Variants in IL34 observed in about 807,000 individuals in gnomAD.
The protein encoded by IL34 is interleukin-34.
IL34 carries 17 observed loss-of-function variants against 25.3 expected under a neutral mutation model. The observed-to-expected ratio is 0.67, with a 90% CI of 0.46 to 1.01. IL34 has a LOEUF of 1.01. IL34 is among the 50% of genes least tolerant of loss of function. The pLI, the probability that IL34 is intolerant of heterozygous loss-of-function variation, is 0.00. For synonymous variants in IL34, 174 were observed against 140.9 expected (o/e 1.23, Z -1.66); for missense variants, 368 against 312.9 (o/e 1.18, Z -1.33).
intron 1 of IL34, among the ~76,000 whole-genome samples, chr16:70,639,410 T>A (rs1186983640): frequency 6.6e-6 from 1 of 152,184 alleles, no homozygotes; most frequent in Non-Finnish European, 1.5e-5. Flanking sequence ...GCAAAGCTGT[T>A]GATCTGCTAC....
chr16:70,653,863 G>A (rs2052143986), intron 1 of IL34, among the ~76,000 whole-genome samples: 1 of 152,124 alleles, frequency 6.6e-6, no homozygotes, highest in African/African-American at 2.4e-5. Context: ...CAGTCACATG[G>A]AAATCGTATA....
At chr16:70,594,640 C>T (rs1004442044) in intron 1 of IL34, among the ~76,000 whole-genome samples, 2 of 152,148 alleles carry the variant, frequency 1.3e-5, no homozygotes, top group African/African-American at 2.4e-5. Context: ...GTCTTATTAT[C>T]TCTGAGGGAG....
chr16:70,660,041 A>C lies in IL34; in HGVS notation c.583A>C (p.Ser195Arg). 6.2e-7 allele frequency: 1 copy of C among 1,612,114 alleles called. No individual in the cohort carries two copies. Among genetic ancestry groups the C allele is most frequent in the Non-Finnish European group, 8.5e-7 (1 of 1,179,322 alleles). ...AAACTGGCAGGACTGTGAGGTGCCA[A>C]GTCCTCAGTCTTGCAGCCCAGAGCC... ...VLNWQDCEVP[S>R]PQSCSPEPSL... Residue 195 changes from serine (S) to arginine (R), a missense_variant, in exon 6 of 6, where the codon AGT becomes CGT. Physicochemically the swap from Ser to Arg is moderately radical, Grantham distance 110 (BLOSUM62 -1). Coordinates refer to ENST00000288098, the MANE Select transcript of IL34 (RefSeq NM_001393494.1).
At position 70,654,663 on chromosome 16, in the gene IL34, C is replaced by A. The variant is rs1198286687; in HGVS notation, c.154C>A (p.Gln52Lys). The A allele has an allele frequency of 6.2e-7, 1 of 1,606,930 alleles. No individual in the cohort carries two copies. Among genetic ancestry groups the A allele is most frequent in the Non-Finnish European group, 8.5e-7 (1 of 1,174,638 alleles). ...RDKLQYRSRLQYMKHYFPINY... is the reference protein window; with the variant it reads ...RDKLQYRSRLKYMKHYFPINY... ...CAAGCTGCAGTACAGGAGCCGACTT[C>A]AGTACATGGTAACCACGTGGGCACC... is the stretch of plus-strand genomic sequence containing the variant. Residue 52 changes from glutamine to lysine, a missense_variant, in exon 2 of 6, where the codon CAG becomes AAG. Transcript: ENST00000288098.
chr16:70,636,079 C>T (rs1238583824), intron 1 of IL34, among the ~76,000 whole-genome samples: 2 of 151,118 alleles, frequency 1.3e-5, no homozygotes, highest in Non-Finnish European at 2.9e-5. Flanking sequence ...CGCTCTGTTG[C>T]CCAGGTTGGA....
intron 1 of IL34, among the ~76,000 whole-genome samples, chr16:70,600,235 C>T (rs560075355): frequency 6.6e-6 from 1 of 152,288 alleles, no homozygotes; most frequent in African/African-American, 2.4e-5. Context: ...CTACCCCCTG[C>T]CACAAAGCCT....
upstream of IL34, among the ~76,000 whole-genome samples, chr16:70,642,540 C>T (rs2051811032): frequency 6.6e-6 from 1 of 152,128 alleles, no homozygotes; most frequent in Non-Finnish European, 1.5e-5. Flanking sequence ...TTGTGATCCT[C>T]CCGCCTTGGG....
chr16:70,597,533 G>C (rs938501266), intron 1 of IL34, among the ~76,000 whole-genome samples: 4 of 152,132 alleles, frequency 2.6e-5, no homozygotes, highest in Non-Finnish European at 5.9e-5. Flanking sequence ...ACTGCCTCTA[G>C]CCCAGTTTTT....
chr16:70,637,874 C>A (rs999749661), intron 1 of IL34, among the ~76,000 whole-genome samples: 1 of 152,132 alleles, frequency 6.6e-6, no homozygotes, highest in Admixed American at 6.6e-5. Context: ...GGCACATGGT[C>A]AGCACTCAGT....
chr16:70,636,835 C>A (rs1282516386), intron 1 of IL34, among the ~76,000 whole-genome samples: 1 of 151,978 alleles, frequency 6.6e-6, no homozygotes, highest in East Asian at 1.9e-4. Context: ...TCTAATATAA[C>A]AACATAACAT....
intron 1 of IL34, among the ~76,000 whole-genome samples, chr16:70,600,674 A>G (rs1050609420): frequency 3.9e-5 from 6 of 152,232 alleles, no homozygotes; most frequent in Non-Finnish European, 8.8e-5. Flanking sequence ...GCATTTTACA[A>G]TCAGTCGTGC....
rs1048578402 is a variant in IL34, at chr16:70,660,343, C to A, written c.*156C>A. ...CTTTGAGGGGGATTCTGTGCCACAG[C>A]AGGGCTCAGCTTCCTGCCTTCCATA... On this transcript the variant is annotated 3_prime_UTR_variant, in exon 6 of 6. Coordinates refer to ENST00000288098, the MANE Select transcript of IL34 (RefSeq NM_001393494.1). 2 of 649,110 alleles carry A rather than the reference C, an allele frequency of 3.1e-6. No individual in the cohort carries two copies. The highest frequency in any genetic ancestry group is 5.0e-6 in the Non-Finnish European group (2 of 403,158). The allele number at this position is 649,110 out of a possible 1,614,324, so 40.2% of individuals were successfully genotyped here.
intron 2 of IL34, among the ~76,000 whole-genome samples, chr16:70,656,039 CAT>C (rs2052210457): frequency 6.6e-6 from 1 of 152,244 alleles, no homozygotes; most frequent in South Asian, 2.1e-4. Flanking sequence ...CACAAAATAA[CAT>C]GTTTTTCTTG....
At chr16:70,628,530 A>G (rs2051446831) in intron 1 of IL34, among the ~76,000 whole-genome samples, 1 of 150,912 alleles carries the variant, frequency 6.6e-6, no homozygotes, top group Admixed American at 6.6e-5. Flanking sequence ...TCTGTTGCCC[A>G]GGCTGGAATG....
intron 1 of IL34, among the ~76,000 whole-genome samples, chr16:70,639,915 G>A (rs555106966): frequency 2.6e-5 from 4 of 151,916 alleles, no homozygotes; most frequent in South Asian, 2.1e-4. Context: ...CTGTGATTAC[G>A]CCTCTGCACT....
chr16:70,631,049 A>C (rs918495122), intron 1 of IL34, among the ~76,000 whole-genome samples: 1 of 152,194 alleles, frequency 6.6e-6, no homozygotes, highest in Non-Finnish European at 1.5e-5. Context: ...CCTAAACTAC[A>C]TTTTCAATTT....
chr16:70,636,843 C>T (rs904250731), intron 1 of IL34, among the ~76,000 whole-genome samples: 4 of 152,038 alleles, frequency 2.6e-5, no homozygotes, highest in African/African-American at 9.7e-5. Flanking sequence ...AACAACATAA[C>T]ATGATTCTAA....
chr16:70,647,131 C>T (rs547850052), intron 1 of IL34, among the ~76,000 whole-genome samples, 156 bp downstream of exon 1: 13 of 152,366 alleles, frequency 8.5e-5, no homozygotes, highest in Admixed American at 6.5e-5. Flanking sequence ...CCACGGCCGC[C>T]GTCTGCCCTG....
At chr16:70,636,688 G>C (rs1018129897) in intron 1 of IL34, among the ~76,000 whole-genome samples, 1 of 151,774 alleles carries the variant, frequency 6.6e-6, no homozygotes, top group African/African-American at 2.4e-5. Context: ...AGGATGCCTT[G>C]AGCCCAGGAG....
Sources: gnomAD v4.1 joint callset for allele counts (sites outside exome capture counted in the v4.1 genomes callset) on GRCh38, gnomAD v4.1.1 for gene constraint, MANE v1.5 for transcripts, NCBI Gene and HGNC (gene_info 2026-07-23, HGNC 2026-07-21) for gene names.